The following MCFD2 variants were observed in gnomAD, a reference collection of about 807,000 sequenced individuals.
MCFD2 encodes the protein multiple coagulation factor deficiency protein 2.
Under a neutral mutation model 12.8 loss-of-function variants are expected in MCFD2, and 11 were observed. The observed-to-expected ratio is 0.86, with a 90% CI of 0.54 to 1.42. The LOEUF (loss-of-function observed/expected upper bound fraction) is 1.42. Among genes scored for constraint, MCFD2 ranks in the 40% most tolerant of loss-of-function variants. MCFD2 has a pLI of 0.00. For missense variants in MCFD2, 191 were observed against 178.6 expected (o/e 1.07, Z -0.40); for synonymous variants, 70 against 68.1 (o/e 1.03, Z -0.14).
intron 1 of MCFD2, among the ~76,000 whole-genome samples, chr2:46,911,673 GC>G (rs1558464063): frequency 6.6e-6 from 1 of 151,844 alleles, no homozygotes; most frequent in Non-Finnish European, 1.5e-5. Context: ...TGTAATCCCA[GC>G]ACTTTGGGAG....
At chr2:46,911,214 G>A (rs941236867) in intron 1 of MCFD2, among the ~76,000 whole-genome samples, 3 of 151,928 alleles carry the variant, frequency 2.0e-5, no homozygotes, top group South Asian at 2.1e-4. Context: ...TGCAACCTCC[G>A]CTTCCCAGGT....
chr2:46,914,430 C>G (rs984604137), intron 1 of MCFD2, among the ~76,000 whole-genome samples: 3 of 152,200 alleles, frequency 2.0e-5, no homozygotes, highest in African/African-American at 7.2e-5. Flanking sequence ...TGTCATGGTC[C>G]TGGAATGAAG....
intron 1 of MCFD2, among the ~76,000 whole-genome samples, 180 bp from the exon 2 acceptor site, chr2:46,909,357 A>C (rs1668387709): frequency 6.6e-6 from 1 of 152,218 alleles, no homozygotes; most frequent in African/African-American, 2.4e-5. Flanking sequence ...GGGCACTCCA[A>C]GTCACTCAAA....
At chr2:46,938,906 G>T (rs542983081) in intron 1 of MCFD2, among the ~76,000 whole-genome samples, 78 of 152,048 alleles carry the variant, frequency 5.1e-4, no homozygotes, top group African/African-American at 1.8e-3. Context: ...AGCTACTCGG[G>T]AGGCTAAGGC....
Position 46,909,510 on chromosome 2 carries a change from G to C in MCFD2, c.-6-333C>G, listed in dbSNP as rs114664625. Among the ~76,000 whole-genome samples the C allele has an allele frequency of 4.9e-3, 749 of 152,326 alleles. 6 individuals carry two copies. The highest frequency in any genetic ancestry group is 0.017 in the African/African-American group (717 of 41,570). On this transcript the variant is annotated intron_variant, in intron 1 of 3. Transcript: ENST00000319466. ...GAAATATTTTCTATCAAGAGCACCA[G>C]GAAAGGCAGCCAGCAAGTTATATCA... is the stretch of plus-strand genomic sequence containing the variant.
At chr2:46,922,554 AG>A (rs34111570) in intron 1 of MCFD2, among the ~76,000 whole-genome samples, 43,217 of 152,010 alleles carry the variant, frequency 0.28, 8,598 homozygotes, top group African/African-American at 0.56. Flanking sequence ...TCCCCAGTCA[AG>A]GGGGCAAGGC....
At chr2:46,932,627 G>A (rs1471105644) in intron 1 of MCFD2, among the ~76,000 whole-genome samples, 2 of 152,102 alleles carry the variant, frequency 1.3e-5, no homozygotes, top group African/African-American at 2.4e-5. Context: ...GAGGCCAGGT[G>A]CAGTGGCTCA....
intron 1 of MCFD2, among the ~76,000 whole-genome samples, chr2:46,921,814 C>T (rs6717185): frequency 0.081 from 12,396 of 152,134 alleles, 907 homozygotes; most frequent in African/African-American, 0.2. Flanking sequence ...CCCTTACATG[C>T]GCAGTTCACA....
chr2:46,936,050 C>T (rs957450364), intron 1 of MCFD2, among the ~76,000 whole-genome samples: 3 of 152,098 alleles, frequency 2.0e-5, no homozygotes, highest in African/African-American at 7.2e-5. Flanking sequence ...ATGATTGCAC[C>T]ATAGCACTCC....
At position 46,941,822 on chromosome 2, in the gene MCFD2, G is replaced by T. The variant is rs545167988; in HGVS notation, c.-258C>A. ...CCAGACAGTCCTCGGCCGACAGCGGGCGCCTGCCAGCCCACCGTGCTAGTC... is the reference window on the plus strand; with the variant it reads ...CCAGACAGTCCTCGGCCGACAGCGGTCGCCTGCCAGCCCACCGTGCTAGTC... On this transcript the variant is annotated 5_prime_UTR_variant, in exon 1 of 3. Transcript: ENST00000409147. The surrounding 1 kb of genome is among the most constrained non-coding windows in gnomAD (Gnocchi z 4.2). 19 of 1,459,424 alleles carry T rather than the reference G, an allele frequency of 1.3e-5. No homozygotes were observed. Among genetic ancestry groups the T allele is most frequent in the African/African-American group, 1.4e-5 (1 of 70,828 alleles). 90.4% of individuals were successfully genotyped at this position (1,459,424 alleles called of 1,614,324 possible).
chr2:46,924,054 A>C (rs1669258105), intron 1 of MCFD2, among the ~76,000 whole-genome samples: 1 of 151,876 alleles, frequency 6.6e-6, no homozygotes, highest in Non-Finnish European at 1.5e-5. Context: ...ATTTTTTAAA[A>C]AATAGCCAGG....
chr2:46,920,854 G>A (rs371223046), intron 1 of MCFD2, among the ~76,000 whole-genome samples: 1 of 151,712 alleles, frequency 6.6e-6, no homozygotes, highest in African/African-American at 2.4e-5. Flanking sequence ...AAATGTGGCT[G>A]TCTACAAAAC....
chr2:46,902,327 ATTGT>A lies in MCFD2; in HGVS notation c.*3132_*3135del, dbSNP rs1228710100. The A allele has an allele frequency of 1.3e-5, 2 of 152,636 alleles. No individual in the cohort carries two copies. Among genetic ancestry groups the A allele is most frequent in the African/African-American group, 4.8e-5 (2 of 41,450 alleles). 9.5% of individuals were successfully genotyped at this position (152,636 alleles called of 1,614,324 possible). On this transcript the variant is annotated 3_prime_UTR_variant, in exon 4 of 4. Coordinates refer to ENST00000319466, the MANE Select transcript of MCFD2 (RefSeq NM_139279.6). ...GACTAGAACTTCTATCTGATTAATC[ATTGT>A]TTGGTGAATTATCTTTTCACTTCCT...
At chr2:46,918,186 G>T (rs1469835615), upstream of MCFD2, among the ~76,000 whole-genome samples, 1 of 151,926 alleles carries the variant, frequency 6.6e-6, no homozygotes, top group African/African-American at 2.4e-5. Context: ...CCCCAAACCT[G>T]CACCTCTCTC....
Position 46,907,982 on chromosome 2 carries a change from A to C in MCFD2, c.150-13T>G, listed in dbSNP as rs768877565. 6.2e-7 allele frequency: 1 copy of C among 1,613,980 alleles called. No individual in the cohort carries two copies. Among genetic ancestry groups the C allele is most frequent in the Admixed American group, 1.7e-5 (1 of 60,034 alleles). The stretch of plus-strand genomic sequence containing the variant: ...CTCCATGATATGCCTAAAAATCAAC[A>C]GTCAGGTTCAGGCCAATTGACAGAT... On this transcript the variant is annotated splice_polypyrimidine_tract_variant and intron_variant, in intron 2 of 3. Coordinates refer to ENST00000319466, the MANE Select transcript of MCFD2 (RefSeq NM_139279.6). The surrounding 1 kb of genome is among the most constrained non-coding windows in gnomAD (Gnocchi z 4.1).
At position 46,907,644 on chromosome 2, in the gene MCFD2, A is replaced by G; in HGVS notation, c.309+166T>C. The G allele has an allele frequency of 1.4e-6, 1 of 723,098 alleles. No individual in the cohort carries two copies. The highest frequency in any genetic ancestry group is 1.6e-5 in the South Asian group (1 of 63,260). The allele number at this position is 723,098 out of a possible 1,614,324, so 44.8% of individuals were successfully genotyped here. A position where few individuals can be genotyped will look rare whatever the true frequency, so the allele number is the denominator to read the frequency against. ...AACTCCTGGCTCAAGTGATCCTTCC[A>G]CTTTGGCCTCCCAAAGTGCTGGGAT... On this transcript the variant is annotated intron_variant, in intron 3 of 3. Transcript: ENST00000319466. The surrounding 1 kb of genome is among the most constrained non-coding windows in gnomAD (Gnocchi z 4.1).
In MCFD2 at chr2:46,940,644, C is replaced by A. The variant is rs747111523; in HGVS notation, c.-8+928G>T. Among the ~76,000 whole-genome samples, 5 of 152,370 alleles carry A rather than the reference C, an allele frequency of 3.3e-5. No individual in the cohort carries two copies. Among genetic ancestry groups the A allele is most frequent in the African/African-American group, 1.2e-4 (5 of 41,590 alleles). On this transcript the variant is annotated intron_variant, in intron 1 of 2. Coordinates refer to the MCFD2 transcript ENST00000409147. The surrounding 1 kb of genome is among the most constrained non-coding windows in gnomAD (Gnocchi z 4.7). ...AACAGAGATTCCACAGAGGACAGGT[C>A]AACGGGTTAGGGAAGTCAAGTTGGA... is the stretch of plus-strand genomic sequence containing the variant.
At chr2:46,927,965 C>T (rs966020676) in intron 1 of MCFD2, among the ~76,000 whole-genome samples, 3 of 132,600 alleles carry the variant, frequency 2.3e-5, no homozygotes, top group East Asian at 4.6e-4. Context: ...ACGGTCATGG[C>T]TCACTGCAGC....
At chr2:46,914,886 C>G (rs1668644230) in intron 1 of MCFD2, among the ~76,000 whole-genome samples, 1 of 152,218 alleles carries the variant, frequency 6.6e-6, no homozygotes, top group Non-Finnish European at 1.5e-5. Context: ...AGACACAGTA[C>G]AGTCGAGACA....
Sources: gnomAD v4.1 joint callset for allele counts (sites outside exome capture counted in the v4.1 genomes callset) on GRCh38, gnomAD v4.1.1 for gene constraint, Gnocchi (gnomAD v3.1) non-coding constraint, MANE v1.5 for transcripts, NCBI Gene and HGNC (gene_info 2026-07-23, HGNC 2026-07-21) for gene names.